Variants in PCDHGA2 observed in about 807,000 individuals in gnomAD.
PCDHGA2 encodes protocadherin gamma subfamily A, 2.
PCDHGA2 carries 40 observed loss-of-function variants against 59.2 expected under a neutral mutation model. That is an observed-to-expected ratio of 0.68 (90% CI 0.52 to 0.88). The LOEUF (loss-of-function observed/expected upper bound fraction) is 0.88. Among genes scored for constraint, PCDHGA2 ranks in the 40% least tolerant of loss-of-function variants. The probability of loss-of-function intolerance (pLI) is 0.00; values close to 1 mark genes in which losing one functional copy is unlikely to be tolerated. For synonymous variants in PCDHGA2, 560 were observed against 526.0 expected (o/e 1.06, Z -0.89); for missense variants, 1,226 against 1,204.0 (o/e 1.02, Z -0.27).
intron 1 of PCDHGA2, chr5:141,399,805 T>G (rs776266997): frequency 6.2e-7 from 1 of 1,613,192 alleles, no homozygotes; most frequent in Admixed American, 1.7e-5. Context: ...GCGGGTGCTG[T>G]ACCCCGCGCT....
At chr5:141,403,860 C>A (rs201458472) in intron 1 of PCDHGA2, 1 of 1,613,382 alleles carries the variant, frequency 6.2e-7, no homozygotes, top group Non-Finnish European at 8.5e-7. Flanking sequence ...GAAATATCAA[C>A]AGCAAAAAGT....
chr5:141,471,046 C>CTT (rs1170588345), intron 1 of PCDHGA2, among the ~76,000 whole-genome samples: 26 of 113,248 alleles, frequency 2.3e-4, no homozygotes, highest in Non-Finnish European at 3.0e-4. Context: ...CCCAAGCCCT[C>CTT]TTTTTTTTTT....
At chr5:141,413,697 T>G in intron 1 of PCDHGA2, 4 of 1,613,632 alleles carry the variant, frequency 2.5e-6, no homozygotes, top group Non-Finnish European at 3.4e-6. Flanking sequence ...TGCAGAGCTA[T>G]CAGCTCAGCC....
chr5:141,454,356 T>G (rs1461475653), intron 1 of PCDHGA2, among the ~76,000 whole-genome samples: 1 of 152,224 alleles, frequency 6.6e-6, no homozygotes, highest in East Asian at 1.9e-4. Context: ...TGATCCAAAC[T>G]TAGAAAGGAG....
intron 1 of PCDHGA2, among the ~76,000 whole-genome samples, chr5:141,436,677 G>T (rs966497986): frequency 2.2e-4 from 33 of 152,278 alleles, no homozygotes; most frequent in Non-Finnish European, 2.9e-5. Flanking sequence ...CCAAAAAAAG[G>T]ATTTATATTT....
chr5:141,389,805 C>G (rs1222548961), intron 1 of PCDHGA2: 1 of 1,613,802 alleles, frequency 6.2e-7, no homozygotes, highest in East Asian at 2.2e-5. Flanking sequence ...CCAGCGCCTT[C>G]TGGTCGCCGT....
Position 141,340,286 on chromosome 5 carries a change from T to C in PCDHGA2, c.1315T>C (p.Leu439=), listed in dbSNP as rs754424508. 1 of 1,614,116 alleles carries C rather than the reference T, an allele frequency of 6.2e-7. No homozygotes were observed. The highest frequency in any genetic ancestry group is 8.5e-7 in the Non-Finnish European group (1 of 1,180,028). The change falls in exon 1 of 4, where the codon TTG becomes CTG. Residue 439 remains leucine, a synonymous_variant. Coordinates refer to ENST00000394576, the MANE Select transcript of PCDHGA2 (RefSeq NM_018915.4). ...CTCCCTGTCCACGGATGCTCACATT[T>C]TGCTCCAGGTGGCAGACATCAACGA... ...NPSLSTDAHI[L]LQVADINDNA...
Position 141,344,238 on chromosome 5 carries a change from A to G in PCDHGA2, c.2424+2843A>G, listed in dbSNP as rs1046741074. On this transcript the variant is annotated intron_variant, in intron 1 of 3. Transcript: ENST00000394576. ...GGAGCGCGGAGTCCGCATCGTCTCC[A>G]GAGGTAGGACGCAGCTTTTCTCTCT... 10 of 1,613,926 alleles carry G rather than the reference A, an allele frequency of 6.2e-6. No individual in the cohort carries two copies. In the African/African-American group the frequency reaches 1.3e-4, roughly 22 times the overall value.
At chr5:141,422,281 T>C in intron 1 of PCDHGA2, 1 of 1,557,044 alleles carries the variant, frequency 6.4e-7, no homozygotes, top group Middle Eastern at 1.7e-4. Context: ...AACTATCACC[T>C]CTTCTATTAA....
intron 1 of PCDHGA2, chr5:141,372,446 T>C: frequency 6.2e-7 from 1 of 1,614,030 alleles, no homozygotes; most frequent in Non-Finnish European, 8.5e-7. Context: ...CCTCTGACCC[T>C]CAGGCGGAGC....
In PCDHGA2 at chr5:141,476,686, C is replaced by T. The variant is rs138480390; in HGVS notation, c.2425-18121C>T. On this transcript the variant is annotated intron_variant, in intron 1 of 3. Coordinates refer to ENST00000394576, the MANE Select transcript of PCDHGA2 (RefSeq NM_018915.4). The surrounding 1 kb of genome is among the most constrained non-coding windows in gnomAD (Gnocchi z 7.6). ...TTCGCGTGCAGACGCGGGAGGACAGCACCAAGTACGCGGAGCTGGTGTTGG... is the reference window on the plus strand; with the variant it reads ...TTCGCGTGCAGACGCGGGAGGACAGTACCAAGTACGCGGAGCTGGTGTTGG... 6.2e-7 allele frequency: 1 copy of T among 1,614,126 alleles called. No homozygotes were observed. The highest frequency in any genetic ancestry group is 1.3e-5 in the African/African-American group (1 of 74,952).
chr5:141,463,382 T>C (rs2099057893), intron 1 of PCDHGA2, among the ~76,000 whole-genome samples: 1 of 151,594 alleles, frequency 6.6e-6, no homozygotes, highest in Admixed American at 6.6e-5. Context: ...AGTCTGAAAG[T>C]TGTCTCCAGG....
At chr5:141,366,048 C>G (rs777611384) in intron 1 of PCDHGA2, 4 of 1,614,262 alleles carry the variant, frequency 2.5e-6, no homozygotes, top group Middle Eastern at 1.6e-4. Context: ...GACGGTTCCA[C>G]GGGCGTGGAG....
At chr5:141,437,896 C>T (rs943440712) in intron 1 of PCDHGA2, among the ~76,000 whole-genome samples, 2 of 152,128 alleles carry the variant, frequency 1.3e-5, no homozygotes, top group African/African-American at 4.8e-5. Flanking sequence ...CGCCACCACA[C>T]CCAGCTAATT....
Position 141,510,979 on chromosome 5 carries a change from G to A in PCDHGA2, c.2605G>A (p.Gly869Ser). 6.2e-7 allele frequency: 1 copy of A among 1,614,156 alleles called. No homozygotes were observed. The highest frequency in any genetic ancestry group is 8.5e-7 in the Non-Finnish European group (1 of 1,180,018). Reference sequence around the variant, plus strand: ...TGATGGGAGCTCCACCCTGGGAGGGGGTGCCGGCACCATGGGATTGAGCGC... The same window carrying A: ...TGATGGGAGCTCCACCCTGGGAGGGAGTGCCGGCACCATGGGATTGAGCGC... ...AADGSSTLGG[G>S]AGTMGLSARY... The change falls in exon 4 of 4, where the codon GGT becomes AGT. Residue 869 changes from glycine (G) to serine (S), a missense_variant. Physicochemically the swap from Gly to Ser is moderately conservative, Grantham distance 56. Transcript: ENST00000394576.
intron 1 of PCDHGA2, among the ~76,000 whole-genome samples, chr5:141,449,030 G>C (rs2098623784): frequency 6.6e-6 from 1 of 152,012 alleles, no homozygotes; most frequent in Non-Finnish European, 1.5e-5. Context: ...GCATTCCTTT[G>C]GATTATTAAC....
chr5:141,375,347 G>C, intron 1 of PCDHGA2: 2 of 1,613,852 alleles, frequency 1.2e-6, no homozygotes, highest in Non-Finnish European at 1.7e-6. Flanking sequence ...CAACATCACT[G>C]TGACAGCCAC....
In PCDHGA2 at chr5:141,487,128, G is replaced by T. The variant is rs565927415; in HGVS notation, c.2425-7679G>T. On this transcript the variant is annotated intron_variant, in intron 1 of 3. Transcript: ENST00000394576. This position sits in a 1 kb window ranked among gnomAD's most constrained non-coding sequence, Gnocchi z 5.0. ...GTCATTGTGGTAAAGGATAGTGGTA[G>T]TCCACCACTCTCTACCTCTGTTACT... The T allele has an allele frequency of 6.3e-5, 102 of 1,614,086 alleles. No individual in the cohort carries two copies. The South Asian group carries it at 7.7e-4, about 12-fold the overall frequency.
intron 1 of PCDHGA2, among the ~76,000 whole-genome samples, chr5:141,454,268 G>A (rs2098785692): frequency 6.6e-6 from 1 of 152,126 alleles, no homozygotes; most frequent in African/African-American, 2.4e-5. Context: ...AGTAATGCCA[G>A]CAAAAACTTC....
Sources: allele counts gnomAD v4.1 joint callset (sites outside exome capture counted in the v4.1 genomes callset), GRCh38; gene constraint gnomAD v4.1.1; non-coding constraint Gnocchi (gnomAD v3.1); transcripts MANE v1.5; gene names NCBI Gene and HGNC (gene_info 2026-07-23, HGNC 2026-07-21).